Variants in TESMIN observed in about 807,000 individuals in gnomAD.
The protein encoded by TESMIN is CXC domain containing 2.
Under a neutral mutation model 47.4 loss-of-function variants are expected in TESMIN, and 34 were observed. That is an observed-to-expected ratio of 0.72 (90% CI 0.55 to 0.96). The LOEUF (loss-of-function observed/expected upper bound fraction) is 0.96, where lower values mean the gene tolerates loss of function less well. TESMIN is among the 40% of genes least tolerant of loss of function. TESMIN has a pLI of 0.00. For synonymous variants in TESMIN, 278 were observed against 258.9 expected (o/e 1.07, Z -0.71); for missense variants, 610 against 637.2 (o/e 0.96, Z 0.46).
chr11:68,742,094 CA>C (rs1363751324), intron 5 of TESMIN, among the ~76,000 whole-genome samples: 2 of 152,152 alleles, frequency 1.3e-5, no homozygotes, highest in African/African-American at 4.8e-5. Flanking sequence ...CAGGAAAGGG[CA>C]AAAGGGCTTC....
In TESMIN at chr11:68,707,770, C is replaced by A; in HGVS notation, c.*538G>T. The A allele has an allele frequency of 2.2e-6, 1 of 453,860 alleles. No homozygotes were observed. The highest frequency in any genetic ancestry group is 4.4e-6 in the Non-Finnish European group (1 of 225,076). 28.1% of individuals were successfully genotyped at this position (453,860 alleles called of 1,614,324 possible). A position where few individuals can be genotyped will look rare whatever the true frequency, so the allele number is the denominator to read the frequency against. ...AGTTCGCGTGCCTCTGGGGAAATAT[C>A]TACGCTACAGAAAATCTTTAGGTGT... is the stretch of plus-strand genomic sequence containing the variant. On this transcript the variant is annotated 3_prime_UTR_variant, in exon 10 of 10. Coordinates refer to ENST00000255087, the MANE Select transcript of TESMIN (RefSeq NM_004923.3).
At chr11:68,735,102 A>G (rs1946372137) in intron 6 of TESMIN, among the ~76,000 whole-genome samples, 1 of 152,180 alleles carries the variant, frequency 6.6e-6, no homozygotes. Context: ...TTAATTGAGA[A>G]TTCATCTAGT....
chr11:68,715,984 G>A, intron 6 of TESMIN, 45 bp from the exon 7 acceptor site: 1 of 1,292,946 alleles, frequency 7.7e-7, no homozygotes, highest in Non-Finnish European at 1.1e-6. Flanking sequence ...AGACGGCACA[G>A]TGAGTAGTGA....
intron 8 of TESMIN, 140 bp downstream of exon 8, chr11:68,713,126 TGTAA>T (rs1946092533): frequency 1.2e-6 from 1 of 800,466 alleles, no homozygotes; most frequent in South Asian, 2.4e-5. Context: ...TTCAGATTGA[TGTAA>T]GTGTCCTTCT....
At chr11:68,734,899 C>A (rs1309251674) in intron 6 of TESMIN, among the ~76,000 whole-genome samples, 1 of 152,220 alleles carries the variant, frequency 6.6e-6, no homozygotes. Context: ...TCCTCCCCCA[C>A]TTGGCCTGCC....
intron 3 of TESMIN, 56 bp from the exon 4 acceptor site, chr11:68,745,167 T>A (rs1946503840): frequency 1.3e-6 from 2 of 1,507,372 alleles, no homozygotes; most frequent in Non-Finnish European, 1.8e-6. Context: ...CCAGTAATAA[T>A]GAACCTAAAT....
intron 6 of TESMIN, among the ~76,000 whole-genome samples, chr11:68,734,844 G>A (rs559204649): frequency 5.8e-4 from 88 of 152,206 alleles, no homozygotes; most frequent in Non-Finnish European, 8.8e-4. Context: ...GCGCCCGCAC[G>A]CTCAGCAGTC....
intron 6 of TESMIN, chr11:68,738,350 AC>A (rs1946413173): frequency 8.8e-6 from 9 of 1,019,810 alleles, no homozygotes; most frequent in Non-Finnish European, 1.1e-5. Context: ...CATTATTTCC[AC>A]GGACGACAGC....
At chr11:68,741,330 C>T (rs1174385428) in intron 5 of TESMIN, among the ~76,000 whole-genome samples, 1 of 152,178 alleles carries the variant, frequency 6.6e-6, no homozygotes, top group Non-Finnish European at 1.5e-5. Context: ...TGGGATGTTC[C>T]ACAGCTTGCT....
intron 2 of TESMIN, among the ~76,000 whole-genome samples, chr11:68,748,588 A>T (rs1403792291): frequency 6.6e-6 from 1 of 152,248 alleles, no homozygotes; most frequent in Non-Finnish European, 1.5e-5. Context: ...AAAGGTCAAC[A>T]TGTGGGAATG....
At chr11:68,718,346 A>C (rs1946166676) in intron 6 of TESMIN, among the ~76,000 whole-genome samples, 1 of 152,234 alleles carries the variant, frequency 6.6e-6, no homozygotes, top group South Asian at 2.1e-4. Flanking sequence ...GACTAAGAAA[A>C]GTTATTGATC....
At chr11:68,740,866 G>A (rs1946447690) in intron 5 of TESMIN, among the ~76,000 whole-genome samples, 1 of 151,962 alleles carries the variant, frequency 6.6e-6, no homozygotes, top group Non-Finnish European at 1.5e-5. Context: ...CATCTTCTGA[G>A]GCATCCCAAA....
intron 6 of TESMIN, 53 bp downstream of exon 6, chr11:68,738,647 G>A: frequency 6.2e-7 from 1 of 1,608,074 alleles, no homozygotes; most frequent in Non-Finnish European, 8.5e-7. Flanking sequence ...ACGTATCCAA[G>A]AGTCTCTTAA....
chr11:68,714,370 T>G (rs1326850614), intron 7 of TESMIN, among the ~76,000 whole-genome samples: 9 of 150,166 alleles, frequency 6.0e-5, no homozygotes, highest in Non-Finnish European at 1.2e-4. Flanking sequence ...TGTGCACACC[T>G]GTGTACCTGT....
chr11:68,712,119 A>C (rs1331496101), intron 8 of TESMIN, among the ~76,000 whole-genome samples: 1 of 152,248 alleles, frequency 6.6e-6, no homozygotes, highest in East Asian at 1.9e-4. Flanking sequence ...CCAGAGACTA[A>C]AGGGCAGTGC....
In TESMIN at chr11:68,742,299, A is replaced by C; in HGVS notation, c.828+19T>G. 6.7e-7 allele frequency: 1 copy of C among 1,485,930 alleles called. No homozygotes were observed. The highest frequency in any genetic ancestry group is 9.2e-7 in the Non-Finnish European group (1 of 1,085,176). The allele number at this position is 1,485,930 out of a possible 1,614,324, so 92.0% of individuals were successfully genotyped here. ...CAATAATGCAAAATTGTATTTTTTA[A>C]ATTAAAACAATGACTCACTTGTTGT... On this transcript the variant is annotated intron_variant, in intron 5 of 9. Transcript: ENST00000255087.
At chr11:68,745,759 C>T (rs528861075) in intron 3 of TESMIN, among the ~76,000 whole-genome samples, 11 of 152,330 alleles carry the variant, frequency 7.2e-5, no homozygotes, top group African/African-American at 2.2e-4. Flanking sequence ...CACTGTCAGA[C>T]CCCCCTTGGA....
At chr11:68,719,497 C>G (rs1363054678) in intron 6 of TESMIN, among the ~76,000 whole-genome samples, 1 of 152,072 alleles carries the variant, frequency 6.6e-6, no homozygotes, top group Non-Finnish European at 1.5e-5. Context: ...ACATTTCCCA[C>G]AGTACAAAAA....
chr11:68,729,996 C>A (rs535461415), intron 6 of TESMIN, among the ~76,000 whole-genome samples: 14 of 152,302 alleles, frequency 9.2e-5, no homozygotes, highest in Admixed American at 2.0e-4. Flanking sequence ...GCAACCCCAG[C>A]CTTCAGTCCT....
Sources: allele counts gnomAD v4.1 joint callset (sites outside exome capture counted in the v4.1 genomes callset), GRCh38; gene constraint gnomAD v4.1.1; transcripts MANE v1.5; gene names NCBI Gene and HGNC (gene_info 2026-07-23, HGNC 2026-07-21).